KMT2C: variants seen among roughly 807,000 people sequenced by gnomAD.
The protein encoded by KMT2C is histone-lysine N-methyltransferase 2C.
Under a neutral mutation model 507.9 loss-of-function variants are expected in KMT2C, and 88 were observed. That is an observed-to-expected ratio of 0.17 (90% CI 0.15 to 0.21). The LOEUF (loss-of-function observed/expected upper bound fraction) is 0.21, where lower values mean the gene tolerates loss of function less well. Among genes scored for constraint, KMT2C ranks in the 10% least tolerant of loss-of-function variants. The pLI, the probability that KMT2C is intolerant of heterozygous loss-of-function variation, is 1.00. For synonymous variants in KMT2C, 2,049 were observed against 2,080.8 expected (o/e 0.98, Z 0.42); for missense variants, 4,954 against 5,957.8 (o/e 0.83, Z 5.55).
chr7:152,297,057 G>GAAAGAAAGAAAGAC (rs756980169), intron 6 of KMT2C, among the ~76,000 whole-genome samples: 1,009 of 90,156 alleles, frequency 0.011, 2 homozygotes, highest in Non-Finnish European at 0.014. Context: ...AAGAAAGACA[G>GAAAGAAAGAAAGAC]AGAGAGAGAG....
Position 152,311,810 on chromosome 7 carries a change from A to G in KMT2C, c.727T>C (p.Phe243Leu). The part of the protein sequence containing the change: ...LPDAIDIQAL[F>L]DSTGTCWAHH... ...AACATGCCCATACCTGTAGAATCAA[A>G]TAAGGCTTGGATATCAATGGCATCT... Residue 243 changes from phenylalanine to leucine, a missense_variant, in exon 5 of 59, where the codon TTT becomes CTT. Transcript: ENST00000262189. 1 of 1,608,396 alleles carries G rather than the reference A, an allele frequency of 6.2e-7. No individual in the cohort carries two copies. The highest frequency in any genetic ancestry group is 8.5e-7 in the Non-Finnish European group (1 of 1,176,062).
chr7:152,153,348 G>A (rs577712460), intron 48 of KMT2C, among the ~76,000 whole-genome samples: 2 of 152,146 alleles, frequency 1.3e-5, no homozygotes, highest in East Asian at 3.9e-4. Context: ...GTATTTTGTT[G>A]ATAACCAAAA....
rs10279549 is a variant in KMT2C, at chr7:152,229,623, G to C, written c.2976+300C>G. ...CAGTTCTCAGCTTTTTAAATCAGCA[G>C]ACAAAATGAATTAGCTAAACCTAAA... On this transcript the variant is annotated intron_variant, in intron 18 of 58. Transcript: ENST00000262189. Among the ~76,000 whole-genome samples, 1,436 of 152,206 alleles carry C rather than the reference G, an allele frequency of 9.4e-3. 27 individuals are homozygous for C. Among genetic ancestry groups the C allele is most frequent in the African/African-American group, 0.033 (1,382 of 41,540 alleles).
chr7:152,361,508 A>G (rs901031249), intron 1 of KMT2C, among the ~76,000 whole-genome samples: 1 of 152,166 alleles, frequency 6.6e-6, no homozygotes, highest in Non-Finnish European at 1.5e-5. Context: ...GGTTGCGGTG[A>G]GCTGAGATCA....
Position 152,253,514 on chromosome 7 carries a change from CAAAAAAA to C in KMT2C, c.1300-806_1300-800del, listed in dbSNP as rs71198770. ...AGAAGGCAAAACACCTCTTTCTCTACAAAAAAAAAAAAAAAAAAAAAAAAAAAAATTT... is the reference window on the plus strand; with the variant it reads ...AGAAGGCAAAACACCTCTTTCTCTACAAAAAAAAAAAAAAAAAAAAAATTT... On this transcript the variant is annotated intron_variant, in intron 9 of 58. Transcript: ENST00000262189. 3.1e-3 allele frequency among the ~76,000 whole-genome samples: 124 copies of C among 39,502 alleles called. 1 individual carries two copies. Among genetic ancestry groups the C allele is most frequent in the Middle Eastern group, 0.026 (1 of 38 alleles). The allele number at this position is 39,502 out of a possible 152,430, so 25.9% of individuals were successfully genotyped here.
intron 2 of KMT2C, among the ~76,000 whole-genome samples, chr7:152,335,490 C>T (rs990922719): frequency 1.3e-5 from 2 of 152,138 alleles, no homozygotes; most frequent in African/African-American, 4.8e-5. Flanking sequence ...TTACATTACC[C>T]TGAAAACACA....
chr7:152,391,765 C>T (rs547062515), intron 1 of KMT2C, among the ~76,000 whole-genome samples: 19 of 152,192 alleles, frequency 1.2e-4, no homozygotes, highest in African/African-American at 4.3e-4. Flanking sequence ...TCGGCCTCAG[C>T]CTCCCAAAGT....
At chr7:152,328,324 G>A (rs550055643) in intron 3 of KMT2C, among the ~76,000 whole-genome samples, 34 of 152,280 alleles carry the variant, frequency 2.2e-4, no homozygotes, top group Admixed American at 6.5e-4. Context: ...AGCTGACTGA[G>A]ACTAAGCTGG....
At chr7:152,234,244 T>G (rs1253026704) in intron 16 of KMT2C, among the ~76,000 whole-genome samples, 1 of 152,030 alleles carries the variant, frequency 6.6e-6, no homozygotes, top group Non-Finnish European at 1.5e-5. Flanking sequence ...TAGCCAGGCG[T>G]GGTGGCAGGC....
At chr7:152,240,268 G>A (rs4024436) in intron 14 of KMT2C, among the ~76,000 whole-genome samples, 1 of 139,812 alleles carries the variant, frequency 7.2e-6, no homozygotes, top group Non-Finnish European at 1.6e-5. Flanking sequence ...TAGTAAGGAA[G>A]TGTTGTCAAA....
At chr7:152,242,976 G>T (rs59510229) in intron 14 of KMT2C, among the ~76,000 whole-genome samples, 1 of 152,130 alleles carries the variant, frequency 6.6e-6, no homozygotes, top group South Asian at 2.1e-4. Context: ...AGAGAGAGCC[G>T]AAAGGAAGAT....
chr7:152,233,803 A>T (rs1249719536), intron 16 of KMT2C, among the ~76,000 whole-genome samples: 2 of 152,196 alleles, frequency 1.3e-5, no homozygotes, highest in African/African-American at 2.4e-5. Flanking sequence ...AAGGAGAGAC[A>T]GATAACCTAA....
intron 26 of KMT2C, among the ~76,000 whole-genome samples, chr7:152,200,273 A>G (rs1384070202): frequency 6.6e-6 from 1 of 152,252 alleles, no homozygotes; most frequent in Non-Finnish European, 1.5e-5. Context: ...AGAAGTAAAA[A>G]TGGCCTTAAT....
At chr7:152,295,132 T>C (rs1212193160) in intron 6 of KMT2C, among the ~76,000 whole-genome samples, 1 of 152,208 alleles carries the variant, frequency 6.6e-6, no homozygotes, top group East Asian at 1.9e-4. Flanking sequence ...TCTATTACAA[T>C]ATTTCATCTT....
At chr7:152,167,695 A>G (rs1299255756) in intron 41 of KMT2C, among the ~76,000 whole-genome samples, 1 of 152,144 alleles carries the variant, frequency 6.6e-6, no homozygotes, top group East Asian at 1.9e-4. Context: ...TCTCTAACCC[A>G]CAAGCCAAAC....
chr7:152,170,764 G>A (rs1174987673), intron 40 of KMT2C, among the ~76,000 whole-genome samples: 2 of 152,134 alleles, frequency 1.3e-5, no homozygotes, highest in Non-Finnish European at 2.9e-5. Context: ...GCCTCCCAAA[G>A]TGCTGGGATT....
chr7:152,259,152 C>A (rs1164881625), intron 9 of KMT2C, among the ~76,000 whole-genome samples: 6 of 152,018 alleles, frequency 3.9e-5, no homozygotes, highest in Admixed American at 3.9e-4. Context: ...GAACTCTATT[C>A]TTCAAAAATA....
At chr7:152,330,191 G>GA (rs1032313707) in intron 3 of KMT2C, among the ~76,000 whole-genome samples, 9 of 149,138 alleles carry the variant, frequency 6.0e-5, no homozygotes, top group South Asian at 2.1e-4. Flanking sequence ...GAAAAAGAAA[G>GA]AAAAAAAATA....
intron 22 of KMT2C, among the ~76,000 whole-genome samples, chr7:152,221,765 T>C (rs1201957139): frequency 6.6e-6 from 1 of 152,216 alleles, no homozygotes; most frequent in Non-Finnish European, 1.5e-5. Flanking sequence ...AAGTATGGCA[T>C]TAATGGTTAT....
Sources: gnomAD v4.1 joint callset for allele counts (sites outside exome capture counted in the v4.1 genomes callset) on GRCh38, gnomAD v4.1.1 for gene constraint, MANE v1.5 for transcripts, NCBI Gene and HGNC (gene_info 2026-07-23, HGNC 2026-07-21) for gene names.